Variants in KIF6 observed in about 807,000 individuals in gnomAD.
The protein encoded by KIF6 is kinesin family member 6, also known as kinesin-like protein KIF6.
KIF6 carries 106 observed loss-of-function variants against 112.7 expected under a neutral mutation model. The observed-to-expected ratio is 0.94, with a 90% CI of 0.80 to 1.11. The LOEUF is 1.11. Ranked by LOEUF, KIF6 falls within the 50% of genes least tolerant of loss-of-function variation. KIF6 has a pLI of 0.00. For missense variants in KIF6, 929 were observed against 964.0 expected (o/e 0.96, Z 0.48); for synonymous variants, 339 against 339.9 (o/e 1.00, Z 0.03).
At chr6:39,576,002 T>C (rs1045147297) in intron 10 of KIF6, among the ~76,000 whole-genome samples, 4 of 152,158 alleles carry the variant, frequency 2.6e-5, no homozygotes, top group Admixed American at 1.3e-4. Context: ...CTAGATTTGA[T>C]ACAATAGAGG....
intron 15 of KIF6, among the ~76,000 whole-genome samples, chr6:39,395,522 T>C (rs1218498618): frequency 6.6e-6 from 1 of 152,210 alleles, no homozygotes; most frequent in Admixed American, 6.5e-5. Flanking sequence ...TATAACCAGC[T>C]TCCAAGGCCT....
intron 19 of KIF6, among the ~76,000 whole-genome samples, chr6:39,350,825 C>T (rs1764185474): frequency 6.6e-6 from 1 of 152,186 alleles, no homozygotes; most frequent in Non-Finnish European, 1.5e-5. Flanking sequence ...TCTCACCTGC[C>T]TAGTGTGACC....
chr6:39,483,606 A>G (rs1774940635), intron 13 of KIF6, among the ~76,000 whole-genome samples: 1 of 152,208 alleles, frequency 6.6e-6, no homozygotes, highest in Admixed American at 6.5e-5. Context: ...GTTTTAAACC[A>G]GTGCATTTCA....
intron 13 of KIF6, among the ~76,000 whole-genome samples, chr6:39,492,834 C>A (rs549937686): frequency 6.6e-6 from 1 of 152,138 alleles, no homozygotes; most frequent in Non-Finnish European, 1.5e-5. Context: ...TGACCTTGAG[C>A]CTGATGCTTT....
chr6:39,367,841 A>G (rs115914465), intron 16 of KIF6, among the ~76,000 whole-genome samples: 105 of 152,272 alleles, frequency 6.9e-4, no homozygotes, highest in African/African-American at 2.4e-3. Context: ...TTTTGGTTCA[A>G]TGGTTCTCAA....
chr6:39,480,963 C>A (rs886408212), intron 13 of KIF6, among the ~76,000 whole-genome samples: 1 of 152,032 alleles, frequency 6.6e-6, no homozygotes, highest in African/African-American at 2.4e-5. Context: ...CTTGGTTAAT[C>A]TTGCAAATGG....
At chr6:39,610,454 A>C (rs1783153921) in intron 6 of KIF6, among the ~76,000 whole-genome samples, 1 of 152,230 alleles carries the variant, frequency 6.6e-6, no homozygotes, top group African/African-American at 2.4e-5. Flanking sequence ...CTGGTTACCA[A>C]GGCAACTTCT....
At chr6:39,618,855 C>T (rs781300422) in intron 5 of KIF6, among the ~76,000 whole-genome samples, 3 of 152,144 alleles carry the variant, frequency 2.0e-5, no homozygotes, top group Non-Finnish European at 2.9e-5. Flanking sequence ...CTTCTAAGTC[C>T]CTCCTTTGAG....
At chr6:39,528,160 G>T (rs540873147) in intron 13 of KIF6, among the ~76,000 whole-genome samples, 12 of 152,120 alleles carry the variant, frequency 7.9e-5, no homozygotes, top group Middle Eastern at 3.4e-3. Flanking sequence ...TCTACTCTCT[G>T]CTTCTTTGAG....
intron 3 of KIF6, among the ~76,000 whole-genome samples, chr6:39,667,683 G>A (rs1441709902): frequency 6.6e-6 from 1 of 152,180 alleles, no homozygotes; most frequent in Non-Finnish European, 1.5e-5. Flanking sequence ...CAAGGTAATA[G>A]TACTGCTGAG....
At chr6:39,468,487 T>C (rs899737541) in intron 13 of KIF6, among the ~76,000 whole-genome samples, 2 of 152,072 alleles carry the variant, frequency 1.3e-5, no homozygotes, top group Admixed American at 1.3e-4. Context: ...AAGAGAAAAC[T>C]AACTTGTCAT....
intron 13 of KIF6, among the ~76,000 whole-genome samples, chr6:39,489,539 T>A (rs1042140631): frequency 7.2e-5 from 11 of 151,946 alleles, no homozygotes; most frequent in African/African-American, 2.7e-4. Context: ...AGCAAAAACC[T>A]CAAGCAGAAA....
At chr6:39,522,441 G>T (rs76987125) in intron 13 of KIF6, among the ~76,000 whole-genome samples, 6,390 of 152,158 alleles carry the variant, frequency 0.042, 265 homozygotes, top group East Asian at 0.24. Context: ...TTGAATGACT[G>T]CAGCACCCAC....
At chr6:39,577,601 C>T (rs1355980830) in intron 10 of KIF6, among the ~76,000 whole-genome samples, 3 of 152,130 alleles carry the variant, frequency 2.0e-5, no homozygotes, top group Non-Finnish European at 2.9e-5. Context: ...TTAGAGTGTT[C>T]GAGCTATAAT....
chr6:39,536,312 C>T lies in KIF6; in HGVS notation c.1645+3691G>A, dbSNP rs546669977. ...TAAAGGATCAACAAAATTGATAGAA[C>T]GCTAGCAAGACTAATAAAGAAAAAA... On this transcript the variant is annotated intron_variant, in intron 13 of 22. Transcript: ENST00000287152. Among the ~76,000 whole-genome samples the T allele has an allele frequency of 1.8e-4, 28 of 151,566 alleles. No homozygotes were observed. The East Asian group carries it at 2.3e-3, about 13-fold the overall frequency.
chr6:39,457,203 A>G (rs2150416590), intron 13 of KIF6, among the ~76,000 whole-genome samples: 2 of 152,240 alleles, frequency 1.3e-5, no homozygotes, highest in African/African-American at 4.8e-5. Flanking sequence ...ACTAGAACTC[A>G]GAATTAATAA....
intron 13 of KIF6, among the ~76,000 whole-genome samples, chr6:39,472,360 G>T (rs777382576): frequency 2.0e-5 from 3 of 152,078 alleles, no homozygotes; most frequent in Non-Finnish European, 2.9e-5. Flanking sequence ...ATGTCTCGGG[G>T]TGAAAAAATC....
chr6:39,569,739 C>T (rs1780540204), intron 10 of KIF6, among the ~76,000 whole-genome samples: 1 of 152,228 alleles, frequency 6.6e-6, no homozygotes, highest in African/African-American at 2.4e-5. Flanking sequence ...ACCTCCATCT[C>T]TACCAGCTGT....
At chr6:39,361,602 C>A (rs975486653) in intron 17 of KIF6, among the ~76,000 whole-genome samples, 6 of 139,320 alleles carry the variant, frequency 4.3e-5, no homozygotes, top group Admixed American at 1.4e-4. Context: ...TGGAAAGAAA[C>A]TAAGGAAAAT....
Sources: allele counts gnomAD v4.1 joint callset (sites outside exome capture counted in the v4.1 genomes callset), GRCh38; gene constraint gnomAD v4.1.1; transcripts MANE v1.5; gene names NCBI Gene and HGNC (gene_info 2026-07-23, HGNC 2026-07-21).